The following VPS13D variants were observed in gnomAD, a reference collection of about 807,000 sequenced individuals.
VPS13D encodes the protein intermembrane lipid transfer protein VPS13D.
In VPS13D, 187 loss-of-function variants were observed where a neutral mutation model predicts 461.9. The observed-to-expected ratio is 0.40, with a 90% CI of 0.36 to 0.46. The LOEUF (loss-of-function observed/expected upper bound fraction) is 0.46, where lower values mean the gene tolerates loss of function less well. Ranked by LOEUF, VPS13D falls within the 20% of genes least tolerant of loss-of-function variation. The pLI is 0.60. For synonymous variants in VPS13D, 1,951 were observed against 1,986.3 expected, an observed-to-expected ratio of 0.98 and a Z score of 0.47; for missense variants, 4,711 against 5,364.9, an observed-to-expected ratio of 0.88 and a Z score of 3.81.
chr1:12,434,857 TC>T (rs2100316659), intron 65 of VPS13D, among the ~76,000 whole-genome samples: 1 of 152,214 alleles, frequency 6.6e-6, no homozygotes, highest in East Asian at 1.9e-4. Flanking sequence ...TTTCCTTCAT[TC>T]TGGACTGTTG....
intron 65 of VPS13D, among the ~76,000 whole-genome samples, chr1:12,423,352 A>G (rs183038326): frequency 7.2e-5 from 11 of 152,266 alleles, no homozygotes; most frequent in Admixed American, 2.0e-4. Flanking sequence ...TAACTACAAG[A>G]TTTATTCTAG....
chr1:12,357,152 C>G (rs1178161556), intron 49 of VPS13D, among the ~76,000 whole-genome samples: 1 of 152,194 alleles, frequency 6.6e-6, no homozygotes, highest in East Asian at 1.9e-4. Flanking sequence ...TAATAGAGCT[C>G]TAATCAAAGA....
chr1:12,308,390 C>A, intron 26 of VPS13D, 41 bp from the exon 27 acceptor site: 1 of 1,600,828 alleles, frequency 6.2e-7, no homozygotes, highest in South Asian at 1.1e-5. Flanking sequence ...CTTTTTGGGT[C>A]CCCTTTTCTT....
intron 65 of VPS13D, among the ~76,000 whole-genome samples, chr1:12,419,811 A>G (rs1644840223): frequency 6.6e-6 from 1 of 152,188 alleles, no homozygotes; most frequent in African/African-American, 2.4e-5. Context: ...ATACATTTTG[A>G]GAATCATTTT....
chr1:12,276,848 T>C lies in VPS13D; in HGVS notation c.3260T>C (p.Val1087Ala), dbSNP rs1205567061. The C allele has an allele frequency of 1.9e-6, 3 of 1,614,068 alleles. No individual in the cohort carries two copies. The highest frequency in any genetic ancestry group is 1.7e-6 in the Non-Finnish European group (2 of 1,180,028). ...CTTATTAAGTTGGAATATCAGTTTG[T>C]GAGTTCAGAGTGCCCATCGATGAAT... Reference protein sequence around the residue: ...ESLIKLEYQFVSSECPSMNLD... With the variant: ...ESLIKLEYQFASSECPSMNLD... The change falls in exon 19 of 70, where the codon GTG becomes GCG. Residue 1087 changes from valine (V) to alanine (A), a missense_variant. Transcript: ENST00000620676. The surrounding 1 kb of genome is among the most constrained non-coding windows in gnomAD (Gnocchi z 4.5).
intron 67 of VPS13D, among the ~76,000 whole-genome samples, chr1:12,489,584 T>C (rs1645848259): frequency 6.6e-6 from 1 of 152,090 alleles, no homozygotes. Flanking sequence ...AATACTTCAG[T>C]TTGAAGCAGT....
intron 13 of VPS13D, among the ~76,000 whole-genome samples, chr1:12,266,370 C>T (rs1392896792): frequency 7.9e-5 from 12 of 152,152 alleles, no homozygotes; most frequent in Admixed American, 7.9e-4. Flanking sequence ...TAGCAAACTT[C>T]GTTGTTGTCT....
intron 20 of VPS13D, among the ~76,000 whole-genome samples, chr1:12,281,889 A>ATT (rs112034910): frequency 4.9e-5 from 7 of 144,254 alleles, no homozygotes; most frequent in Non-Finnish European, 4.6e-5. Context: ...TTGCCTGAAA[A>ATT]TTTTTTTTTT....
intron 36 of VPS13D, among the ~76,000 whole-genome samples, chr1:12,329,286 T>C (rs1190270291): frequency 6.6e-6 from 1 of 152,164 alleles, no homozygotes; most frequent in Non-Finnish European, 1.5e-5. Context: ...CTATCTTGGC[T>C]CACTGCAACC....
At chr1:12,332,242 A>G (rs1643350568) in intron 37 of VPS13D, among the ~76,000 whole-genome samples, 1 of 152,246 alleles carries the variant, frequency 6.6e-6, no homozygotes, top group African/African-American at 2.4e-5. Context: ...TGAACTACAG[A>G]TGTATATAAG....
chr1:12,396,875 T>G (rs1644506095), intron 60 of VPS13D, among the ~76,000 whole-genome samples: 1 of 152,200 alleles, frequency 6.6e-6, no homozygotes. Flanking sequence ...CAAGGAACCA[T>G]TTGCTGTTCA....
intron 24 of VPS13D, among the ~76,000 whole-genome samples, chr1:12,294,908 C>T (rs1020282836): frequency 6.6e-6 from 1 of 151,614 alleles, no homozygotes; most frequent in Non-Finnish European, 1.5e-5. Context: ...TTTGTAACAA[C>T]GTGTTATTTT....
chr1:12,257,133 T>C (rs1272727733), intron 9 of VPS13D, 46 bp downstream of exon 9: 2 of 1,529,930 alleles, frequency 1.3e-6, no homozygotes, highest in Non-Finnish European at 1.8e-6. Context: ...TAGAGCCTGT[T>C]CTTGCTATGT....
At chr1:12,306,109 G>A (rs796637738) in intron 26 of VPS13D, among the ~76,000 whole-genome samples, 15 of 151,930 alleles carry the variant, frequency 9.9e-5, no homozygotes, top group African/African-American at 3.4e-4. Context: ...TCAGCCTCCC[G>A]AGTAGCTGGG....
intron 54 of VPS13D, among the ~76,000 whole-genome samples, chr1:12,373,281 C>A (rs553884774): frequency 6.6e-6 from 1 of 151,300 alleles, no homozygotes; most frequent in Non-Finnish European, 1.5e-5. Flanking sequence ...CCTCCATGCC[C>A]GGCTAATTTT....
chr1:12,380,386 A>G (rs1202209169), intron 57 of VPS13D, among the ~76,000 whole-genome samples: 1 of 152,236 alleles, frequency 6.6e-6, no homozygotes, highest in Non-Finnish European at 1.5e-5. Flanking sequence ...CCAGGCATCT[A>G]CATGCTCTTG....
At position 12,433,258 on chromosome 1, in the gene VPS13D, G is replaced by GGAA. The variant is rs532543839; in HGVS notation, c.12333+16431_12333+16432insGAA. On this transcript the variant is annotated intron_variant, in intron 65 of 69. Transcript: ENST00000620676. ...TTCGCTTTAATCTGGAACGCTTGGG[G>GGAA]AAAAAAAAAAAACAAAAAAACAAAA... Among the ~76,000 whole-genome samples, 2 of 141,046 alleles carry GGAA rather than the reference G, an allele frequency of 1.4e-5. 1 individual carries two copies. Among genetic ancestry groups the GGAA allele is most frequent in the Admixed American group, 1.4e-4 (2 of 14,138 alleles). 92.5% of individuals were successfully genotyped at this position (141,046 alleles called of 152,430 possible). A position where few individuals can be genotyped will look rare whatever the true frequency, so the allele number is the denominator to read the frequency against.
chr1:12,500,751 G>A (rs907432052), intron 68 of VPS13D, among the ~76,000 whole-genome samples: 3 of 151,188 alleles, frequency 2.0e-5, no homozygotes, highest in African/African-American at 4.8e-5. Context: ...ATGAGGTCTC[G>A]CCATGTTGCC....
intron 5 of VPS13D, 102 bp from the exon 6 acceptor site, chr1:12,249,121 T>C (rs965283539): frequency 2.4e-5 from 22 of 920,960 alleles, no homozygotes; most frequent in Non-Finnish European, 2.6e-5. Context: ...CTAACTATAG[T>C]ATTTCACCTA....
Sources: gnomAD v4.1 joint callset for allele counts (sites outside exome capture counted in the v4.1 genomes callset) on GRCh38, gnomAD v4.1.1 for gene constraint, Gnocchi (gnomAD v3.1) non-coding constraint, MANE v1.5 for transcripts, NCBI Gene and HGNC (gene_info 2026-07-23, HGNC 2026-07-21) for gene names.